The following SV2C variants were observed in gnomAD, a reference collection of about 807,000 sequenced individuals.
The protein encoded by SV2C is synaptic vesicle glycoprotein 2C.
In SV2C, 49 loss-of-function variants were observed where a neutral mutation model predicts 79.7. The observed-to-expected ratio is 0.61, with a 90% CI of 0.49 to 0.78. SV2C has a LOEUF of 0.78. SV2C is among the 30% of genes least tolerant of loss of function. The pLI is 0.00. For synonymous variants in SV2C, 334 were observed against 333.2 expected, an observed-to-expected ratio of 1.00 and a Z score of -0.03; for missense variants, 833 against 912.9, an observed-to-expected ratio of 0.91 and a Z score of 1.13.
At chr5:76,098,519 C>T (rs573474839) in intron 1 of SV2C, among the ~76,000 whole-genome samples, 3 of 152,304 alleles carry the variant, frequency 2.0e-5, no homozygotes, top group East Asian at 1.9e-4. Flanking sequence ...ACATTGTTGT[C>T]GGGGCAAAGC....
chr5:76,176,520 C>T (rs544893885), intron 2 of SV2C, among the ~76,000 whole-genome samples: 1 of 152,272 alleles, frequency 6.6e-6, no homozygotes, highest in South Asian at 2.1e-4. Context: ...AATCACCCAC[C>T]ACCACCACCC....
chr5:76,192,859 G>A (rs933481277), intron 2 of SV2C, among the ~76,000 whole-genome samples: 2 of 152,166 alleles, frequency 1.3e-5, no homozygotes, highest in East Asian at 3.9e-4. Context: ...TAAAGATACA[G>A]TTTGATATGA....
At chr5:76,342,736 C>T (rs545429021) in intron 12 of SV2C, among the ~76,000 whole-genome samples, 121 of 152,256 alleles carry the variant, frequency 7.9e-4, no homozygotes, top group Admixed American at 2.2e-3. Context: ...ATCTGTAAAA[C>T]GAGGATACTT....
chr5:76,125,669 G>A (rs1748682296), intron 1 of SV2C, among the ~76,000 whole-genome samples: 1 of 152,298 alleles, frequency 6.6e-6, no homozygotes, highest in South Asian at 2.1e-4. Context: ...ACAAGGTGCA[G>A]ATTGCACCTT....
the SV2C span, among the ~76,000 whole-genome samples, chr5:75,940,411 A>G: frequency 6.6e-6 from 1 of 151,994 alleles, no homozygotes; most frequent in East Asian, 1.9e-4. Context: ...AAAGAATTGA[A>G]GTGATAATTG....
the SV2C span, among the ~76,000 whole-genome samples, chr5:75,957,778 AG>A: frequency 6.6e-6 from 1 of 152,046 alleles, no homozygotes; most frequent in East Asian, 1.9e-4. Flanking sequence ...ATATTGATGA[AG>A]TTTCTAAGCC....
At chr5:76,035,445 T>C in the SV2C span, among the ~76,000 whole-genome samples, 3 of 152,146 alleles carry the variant, frequency 2.0e-5, no homozygotes, top group Non-Finnish European at 2.9e-5. Flanking sequence ...TTCTGGTATG[T>C]TGTGTCTTTG....
chr5:76,266,995 A>T (rs1409159294), intron 4 of SV2C, among the ~76,000 whole-genome samples: 12 of 152,210 alleles, frequency 7.9e-5, no homozygotes, highest in Non-Finnish European at 1.5e-4. Context: ...ACCAGCTAGC[A>T]GGCATCTGTT....
intron 4 of SV2C, among the ~76,000 whole-genome samples, chr5:76,259,483 C>T (rs927193689): frequency 6.6e-6 from 1 of 152,076 alleles, no homozygotes; most frequent in African/African-American, 2.4e-5. Context: ...GTTGAACATG[C>T]AGGTTTGTTA....
chr5:75,877,230 A>G, the SV2C span, among the ~76,000 whole-genome samples: 1 of 152,148 alleles, frequency 6.6e-6, no homozygotes. Flanking sequence ...AAGGTCATCC[A>G]TCAGCAATAT....
At chr5:76,126,146 C>T (rs770118743) in intron 1 of SV2C, among the ~76,000 whole-genome samples, 23 of 152,082 alleles carry the variant, frequency 1.5e-4, no homozygotes, top group Non-Finnish European at 3.1e-4. Flanking sequence ...TAGGGAAGGC[C>T]ATCACATGTA....
rs543205345 is a variant in SV2C at position 76,220,899 on chromosome 5, C to T, written c.913+11012C>T. Among the ~76,000 whole-genome samples, 3 of 152,244 alleles carry T rather than the reference C, an allele frequency of 2.0e-5. No individual in the cohort carries two copies. The South Asian group carries it at 6.2e-4, about 32-fold the overall frequency. On this transcript the variant is annotated intron_variant, in intron 4 of 12. Coordinates refer to ENST00000502798, the MANE Select transcript of SV2C (RefSeq NM_014979.4). ...TGTCTGTACTCCCAGAAAGAATCTTCCTGGAAGTCCCACACAAATCCACTT... is the reference window on the plus strand; with the variant it reads ...TGTCTGTACTCCCAGAAAGAATCTTTCTGGAAGTCCCACACAAATCCACTT...
chr5:75,904,095 C>T, the SV2C span, among the ~76,000 whole-genome samples: 1 of 152,050 alleles, frequency 6.6e-6, no homozygotes, highest in East Asian at 1.9e-4. Flanking sequence ...AGCTCAAGAC[C>T]AAATATGTGC....
intron 2 of SV2C, among the ~76,000 whole-genome samples, chr5:76,147,857 C>T (rs10942753): frequency 0.4 from 60,508 of 151,850 alleles, 12,774 homozygotes; most frequent in Middle Eastern, 0.5. Context: ...TTGTATATAC[C>T]CTTTTTAAAA....
chr5:76,240,342 C>T (rs1745747115), intron 4 of SV2C, among the ~76,000 whole-genome samples: 1 of 152,214 alleles, frequency 6.6e-6, no homozygotes, highest in Non-Finnish European at 1.5e-5. Context: ...ATCAGTGTAG[C>T]TGTGTAAACA....
chr5:75,858,156 C>T, the SV2C span, among the ~76,000 whole-genome samples: 1 of 152,132 alleles, frequency 6.6e-6, no homozygotes, highest in African/African-American at 2.4e-5. Flanking sequence ...ATAACAGTGG[C>T]GGAAGTGGGC....
intron 1 of SV2C, among the ~76,000 whole-genome samples, chr5:76,107,140 A>G (rs1747944946): frequency 6.6e-6 from 1 of 152,256 alleles, no homozygotes; most frequent in African/African-American, 2.4e-5. Context: ...AAAATATACA[A>G]TTCCAATATT....
At chr5:76,222,979 A>G (rs1745113772) in intron 4 of SV2C, among the ~76,000 whole-genome samples, 1 of 152,138 alleles carries the variant, frequency 6.6e-6, no homozygotes, top group African/African-American at 2.4e-5. Flanking sequence ...GAAGAAGCTA[A>G]GAAACTTCTC....
the SV2C span, among the ~76,000 whole-genome samples, chr5:75,967,304 G>A: frequency 6.6e-6 from 1 of 152,184 alleles, no homozygotes; most frequent in Non-Finnish European, 1.5e-5. Context: ...CATCTCACTG[G>A]GGAGTGCTGG....
Sources: allele counts gnomAD v4.1 joint callset (sites outside exome capture counted in the v4.1 genomes callset), GRCh38; gene constraint gnomAD v4.1.1; transcripts MANE v1.5; gene names NCBI Gene and HGNC (gene_info 2026-07-23, HGNC 2026-07-21).